Variants in GRM8 observed in about 807,000 individuals in gnomAD.
GRM8 encodes the protein metabotropic glutamate receptor 8.
A neutral mutation model predicts 87.2 loss-of-function variants in GRM8; 47 were observed. The observed-to-expected ratio is 0.54, with a 90% CI of 0.43 to 0.69. The LOEUF is 0.69. Ranked by LOEUF, GRM8 falls within the 30% of genes least tolerant of loss-of-function variation. The probability of loss-of-function intolerance (pLI) is 0.00; values close to 1 mark genes in which losing one functional copy is unlikely to be tolerated. For missense variants in GRM8, 1,019 were observed against 1,139.2 expected (o/e 0.89, Z 1.52); for synonymous variants, 396 against 404.5 (o/e 0.98, Z 0.25).
At chr7:126,716,611 G>A (rs1035694394) in intron 7 of GRM8, among the ~76,000 whole-genome samples, 1 of 152,070 alleles carries the variant, frequency 6.6e-6, no homozygotes, top group Non-Finnish European at 1.5e-5. Flanking sequence ...TCATCCTGAT[G>A]CATGCTCTCT....
chr7:127,179,810 A>G (rs1012616876), intron 2 of GRM8, among the ~76,000 whole-genome samples: 2 of 152,076 alleles, frequency 1.3e-5, no homozygotes, highest in African/African-American at 2.4e-5. Flanking sequence ...AATGACAATA[A>G]TGATACAACC....
intron 6 of GRM8, among the ~76,000 whole-genome samples, chr7:126,832,171 CA>C (rs11412862): frequency 0.015 from 1,157 of 77,458 alleles, 8 homozygotes; most frequent in African/African-American, 0.036. Context: ...TGCCATCTTC[CA>C]AAAAAAAAAA....
rs112538674 is a variant in GRM8 at position 126,487,808 on chromosome 7, T to C, written c.2431-41436A>G. ...ATCAAGCTCATGGTGATGGAATACATTTTCCAAAATTCTACTTTTTGCTTG... is the reference window on the plus strand; with the variant it reads ...ATCAAGCTCATGGTGATGGAATACACTTTCCAAAATTCTACTTTTTGCTTG... On this transcript the variant is annotated intron_variant, in intron 9 of 10. Coordinates refer to ENST00000339582, the MANE Select transcript of GRM8 (RefSeq NM_000845.3). Among the ~76,000 whole-genome samples the C allele has an allele frequency of 7.4e-3, 1,126 of 152,168 alleles. 15 individuals carry two copies. Among genetic ancestry groups the C allele is most frequent in the African/African-American group, 0.026 (1,081 of 41,542 alleles).
chr7:126,453,070 AACACACACACACACACACACACAC>A (rs71177555), intron 9 of GRM8, among the ~76,000 whole-genome samples: 4 of 145,948 alleles, frequency 2.7e-5, no homozygotes, highest in Non-Finnish European at 1.5e-5. Context: ...TTATAGCAGA[AACACACACACACACACACACACAC>A]ACACACACAC....
At chr7:126,629,933 T>C (rs1801090470) in intron 7 of GRM8, among the ~76,000 whole-genome samples, 1 of 152,164 alleles carries the variant, frequency 6.6e-6, no homozygotes, top group Admixed American at 6.6e-5. Context: ...ATCAAACTGA[T>C]GAAAACAATA....
chr7:127,110,851 T>C (rs1826281236), intron 2 of GRM8, among the ~76,000 whole-genome samples: 1 of 152,164 alleles, frequency 6.6e-6, no homozygotes, highest in African/African-American at 2.4e-5. Context: ...TCTACGTTTA[T>C]TGGGCAAAAG....
At chr7:127,184,694 A>G (rs766063840) in intron 2 of GRM8, among the ~76,000 whole-genome samples, 13 of 151,942 alleles carry the variant, frequency 8.6e-5, no homozygotes, top group Non-Finnish European at 1.6e-4. Flanking sequence ...ACAAAATTAA[A>G]TTGTCTTTAT....
Position 126,650,948 on chromosome 7 carries a change from T to G in GRM8, c.1358-41450A>C, listed in dbSNP as rs1390358476. 2.6e-5 allele frequency among the ~76,000 whole-genome samples: 4 copies of G among 152,220 alleles called. No homozygotes were observed. The East Asian group carries it at 7.7e-4, about 29-fold the overall frequency. The stretch of plus-strand genomic sequence containing the variant: ...TACAGCCACTGCTGAGTGCCCGATT[T>G]GCCAGAAGCAGAGACTGATGCTGAG... On this transcript the variant is annotated intron_variant, in intron 7 of 10. Transcript: ENST00000339582.
chr7:126,600,095 G>C (rs1426525908), intron 8 of GRM8, among the ~76,000 whole-genome samples: 1 of 152,198 alleles, frequency 6.6e-6, no homozygotes. Context: ...CCTAGTTTAA[G>C]GTGATCATTG....
At chr7:127,007,988 G>A (rs1456799263) in intron 3 of GRM8, among the ~76,000 whole-genome samples, 1 of 151,916 alleles carries the variant, frequency 6.6e-6, no homozygotes, top group Admixed American at 6.6e-5. Context: ...TAGGCACCCA[G>A]ATCCTGAAAA....
intron 6 of GRM8, among the ~76,000 whole-genome samples, chr7:126,812,061 C>G (rs1220130400): frequency 2.0e-5 from 3 of 151,884 alleles, no homozygotes; most frequent in African/African-American, 7.2e-5. Context: ...ACTAAAAACC[C>G]TGAGTTCGCC....
At chr7:127,059,114 G>C (rs929742550) in intron 3 of GRM8, among the ~76,000 whole-genome samples, 4 of 152,192 alleles carry the variant, frequency 2.6e-5, no homozygotes, top group Admixed American at 2.6e-4. Flanking sequence ...ACTCAGAAAA[G>C]GAAAGGATAA....
intron 3 of GRM8, among the ~76,000 whole-genome samples, chr7:126,936,578 A>G (rs1260500658): frequency 6.6e-6 from 1 of 152,212 alleles, no homozygotes; most frequent in Non-Finnish European, 1.5e-5. Flanking sequence ...GGAGTGGTTA[A>G]AGGACTAAGT....
intron 7 of GRM8, among the ~76,000 whole-genome samples, chr7:126,744,051 C>T (rs1164160492): frequency 1.3e-5 from 2 of 152,004 alleles, no homozygotes; most frequent in African/African-American, 4.8e-5. Context: ...GCTAGTTTCA[C>T]TTAAGAATGG....
At chr7:126,916,670 C>A (rs910823506) in intron 3 of GRM8, among the ~76,000 whole-genome samples, 2 of 152,192 alleles carry the variant, frequency 1.3e-5, no homozygotes, top group Non-Finnish European at 2.9e-5. Context: ...TTGCTCAAAG[C>A]AGCATTTTCA....
At chr7:127,150,632 A>T (rs1828806723) in intron 2 of GRM8, among the ~76,000 whole-genome samples, 1 of 152,158 alleles carries the variant, frequency 6.6e-6, no homozygotes, top group Non-Finnish European at 1.5e-5. Context: ...ACTGAAAAAA[A>T]CAGAAAGACT....
At chr7:127,245,504 T>C (rs1299448448) in intron 1 of GRM8, among the ~76,000 whole-genome samples, 3 of 152,234 alleles carry the variant, frequency 2.0e-5, no homozygotes, top group Non-Finnish European at 4.4e-5. Context: ...TTCATCACAA[T>C]GCATCCTTAC....
At chr7:127,178,972 G>C (rs752042039) in intron 2 of GRM8, among the ~76,000 whole-genome samples, 1 of 152,004 alleles carries the variant, frequency 6.6e-6, no homozygotes, top group Non-Finnish European at 1.5e-5. Flanking sequence ...AAAGCATACA[G>C]GCAATAAAGA....
At chr7:126,516,187 C>T (rs1812133357) in intron 9 of GRM8, among the ~76,000 whole-genome samples, 1 of 151,950 alleles carries the variant, frequency 6.6e-6, no homozygotes, top group Admixed American at 6.6e-5. Context: ...TACAGGACAT[C>T]CAGTTACATT....
Sources: gnomAD v4.1 joint callset for allele counts (sites outside exome capture counted in the v4.1 genomes callset) on GRCh38, gnomAD v4.1.1 for gene constraint, MANE v1.5 for transcripts, NCBI Gene and HGNC (gene_info 2026-07-23, HGNC 2026-07-21) for gene names.